The following POU2F2 variants were observed in gnomAD, a reference collection of about 807,000 sequenced individuals.
POU2F2 encodes the protein POU domain, class 2, transcription factor 2.
In POU2F2, 14 loss-of-function variants were observed where a neutral mutation model predicts 63.5. That is an observed-to-expected ratio of 0.22 (90% CI 0.15 to 0.34). The LOEUF (loss-of-function observed/expected upper bound fraction) is 0.34, where lower values mean the gene tolerates loss of function less well. Ranked by LOEUF, POU2F2 falls within the 10% of genes least tolerant of loss-of-function variation. The pLI is 1.00. For synonymous variants in POU2F2, 306 were observed against 348.6 expected (o/e 0.88, Z 1.36); for missense variants, 607 against 815.2 (o/e 0.74, Z 3.11).
chr19:42,187,672 A>G (rs1430757333), intron 1 of POU2F2, among the ~76,000 whole-genome samples: 1 of 150,176 alleles, frequency 6.7e-6, no homozygotes, highest in Non-Finnish European at 1.5e-5. Flanking sequence ...TGAGGTAGGG[A>G]GAATAGCTTG....
At chr19:42,192,822 T>C (rs2035088077) in intron 1 of POU2F2, among the ~76,000 whole-genome samples, 1 of 152,106 alleles carries the variant, frequency 6.6e-6, no homozygotes, top group Non-Finnish European at 1.5e-5. Context: ...ACACATAGTA[T>C]TGGTGACAAT....
chr19:42,176,279 A>G (rs1320767483), upstream of POU2F2, among the ~76,000 whole-genome samples: 5 of 152,104 alleles, frequency 3.3e-5, no homozygotes, highest in Non-Finnish European at 5.9e-5. Context: ...TTTTGTGTTC[A>G]GTGGCCCTGG....
chr19:42,109,631 A>G (rs1290896376), intron 5 of POU2F2, among the ~76,000 whole-genome samples: 6 of 152,120 alleles, frequency 3.9e-5, no homozygotes, highest in Admixed American at 3.9e-4. Flanking sequence ...TCAAAGACAG[A>G]GTTTTAGTTT....
At position 42,109,992 on chromosome 19, in the gene POU2F2, C is replaced by G. The variant is rs560879601; in HGVS notation, c.369+7258G>C. Among the ~76,000 whole-genome samples the G allele has an allele frequency of 2.0e-5, 3 of 152,222 alleles. No homozygotes were observed. The East Asian group carries it at 5.8e-4, about 29-fold the overall frequency. ...TAAAACTCAGCTGGATGCAGTGACT[C>G]ACGCTTATAATCCCTGCACTTTGGG... On this transcript the variant is annotated intron_variant, in intron 5 of 14. Transcript: ENST00000692977.
Position 42,153,851 on chromosome 19 carries a change from G to T in POU2F2, c.-9+6481C>A, listed in dbSNP as rs1037319316. Among the ~76,000 whole-genome samples, 1 of 152,222 alleles carries T rather than the reference G, an allele frequency of 6.6e-6. No individual in the cohort carries two copies. Among genetic ancestry groups the T allele is most frequent in the East Asian group, 1.9e-4 (1 of 5,180 alleles). On this transcript the variant is annotated intron_variant, in intron 2 of 6. Coordinates refer to the POU2F2 transcript ENST00000524801. The surrounding 1 kb of genome is among the most constrained non-coding windows in gnomAD (Gnocchi z 5.6). ...GTGGCGAGGCAGCAGGGGCTGCCACGGAGACACTGGCTAGCCGGTTTTATC... is the reference window on the plus strand; with the variant it reads ...GTGGCGAGGCAGCAGGGGCTGCCACTGAGACACTGGCTAGCCGGTTTTATC...
chr19:42,094,782 T>C (rs1228888621), intron 11 of POU2F2, among the ~76,000 whole-genome samples: 1 of 152,182 alleles, frequency 6.6e-6, no homozygotes, highest in Non-Finnish European at 1.5e-5. Context: ...TTCACACCGA[T>C]GGGGGCAGGG....
intron 1 of POU2F2, among the ~76,000 whole-genome samples, chr19:42,186,274 G>A (rs1217894744): frequency 2.6e-5 from 4 of 152,064 alleles, no homozygotes; most frequent in South Asian, 2.1e-4. Context: ...GCAGTGAGCC[G>A]AGATTGCGCC....
chr19:42,092,059 A>G lies in POU2F2; in HGVS notation c.1466+10T>C, dbSNP rs762704187. Reference sequence around the variant, plus strand: ...CTTCTCCCCACAGCTTCCCACGTGCACCCACTTACCCCGTGCTGGGGTTCA... The same window carrying G: ...CTTCTCCCCACAGCTTCCCACGTGCGCCCACTTACCCCGTGCTGGGGTTCA... On this transcript the variant is annotated intron_variant, in intron 13 of 14. Transcript: ENST00000692977. The surrounding 1 kb of genome is among the most constrained non-coding windows in gnomAD (Gnocchi z 5.0). The G allele has an allele frequency of 6.3e-7, 1 of 1,590,280 alleles. No individual in the cohort carries two copies. The highest frequency in any genetic ancestry group is 1.3e-5 in the African/African-American group (1 of 74,086).
chr19:42,139,423 C>T (rs540379542), intron 2 of POU2F2, among the ~76,000 whole-genome samples: 2 of 152,272 alleles, frequency 1.3e-5, no homozygotes, highest in African/African-American at 4.8e-5. Context: ...CCTCAGTTTC[C>T]CCAGATATAT....
rs2034435304 is a variant in POU2F2 at position 42,155,222 on chromosome 19, C to G, written c.-9+5110G>C. Among the ~76,000 whole-genome samples, 1 of 152,272 alleles carries G rather than the reference C, an allele frequency of 6.6e-6. No homozygotes were observed. The highest frequency in any genetic ancestry group is 1.5e-5 in the Non-Finnish European group (1 of 68,048). On this transcript the variant is annotated intron_variant, in intron 2 of 6. Coordinates refer to the POU2F2 transcript ENST00000524801. This position sits in a 1 kb window ranked among gnomAD's most constrained non-coding sequence, Gnocchi z 4.2. ...TTTCTCTGATGCACTCTCATGCGCTCAGCTCGCATGCACGCGCCCTCTCTT... is the reference window on the plus strand; with the variant it reads ...TTTCTCTGATGCACTCTCATGCGCTGAGCTCGCATGCACGCGCCCTCTCTT...
rs932291702 is a variant in POU2F2, at chr19:42,169,286, T to C, written c.-70+6677A>G. On this transcript the variant is annotated intron_variant, in intron 1 of 6. Coordinates refer to the POU2F2 transcript ENST00000524801. The surrounding 1 kb of genome is among the most constrained non-coding windows in gnomAD (Gnocchi z 4.3). ...AGGCATATAGGCTGGGATGCTGCCATGTTTTAGTATTTCTATTCGTACATT... is the reference window on the plus strand; with the variant it reads ...AGGCATATAGGCTGGGATGCTGCCACGTTTTAGTATTTCTATTCGTACATT... 6.6e-6 allele frequency among the ~76,000 whole-genome samples: 1 copy of C among 152,232 alleles called. No homozygotes were observed. Among genetic ancestry groups the C allele is most frequent in the African/African-American group, 2.4e-5 (1 of 41,464 alleles).
upstream of POU2F2, among the ~76,000 whole-genome samples, chr19:42,133,680 G>A (rs939013832): frequency 3.3e-5 from 5 of 151,906 alleles, no homozygotes; most frequent in African/African-American, 1.2e-4. This position sits in a 1 kb window ranked among gnomAD's most constrained non-coding sequence, Gnocchi z 5.1. Context: ...ATGTGCACAG[G>A]CCCCAACACC....
chr19:42,190,189 G>A (rs1056787779), intron 1 of POU2F2, among the ~76,000 whole-genome samples: 1 of 152,132 alleles, frequency 6.6e-6, no homozygotes, highest in Non-Finnish European at 1.5e-5. Flanking sequence ...TACACAGGTG[G>A]AGAGGAGGAC....
At chr19:42,171,715 G>A (rs569468203) in intron 1 of POU2F2, among the ~76,000 whole-genome samples, 5 of 152,288 alleles carry the variant, frequency 3.3e-5, no homozygotes, top group South Asian at 2.1e-4. Context: ...TCTGCACCCC[G>A]GGTGGGGGAG....
intron 1 of POU2F2, among the ~76,000 whole-genome samples, chr19:42,191,693 A>G (rs2035076637): frequency 6.6e-6 from 1 of 152,198 alleles, no homozygotes; most frequent in Non-Finnish European, 1.5e-5. Flanking sequence ...CAGAGGGATC[A>G]AGGGAGTAGA....
chr19:42,189,547 CCTT>C lies in POU2F2; in HGVS notation c.-70+6833_-70+6835del, dbSNP rs564996517. ...TCTGTTGTGAGTGCCATCTTAATCT[CCTT>C]CTAATAAATATCTTTCTTGCTTAAG... On this transcript the variant is annotated intron_variant, in intron 1 of 5. Coordinates refer to the POU2F2 transcript ENST00000532176. Among the ~76,000 whole-genome samples, 147 of 152,280 alleles carry C rather than the reference CCTT, an allele frequency of 9.7e-4. 1 individual carries two copies. Among genetic ancestry groups the C allele is most frequent in the Admixed American group, 9.0e-3 (138 of 15,286 alleles).
chr19:42,179,035 G>C (rs1368016807), upstream of POU2F2, among the ~76,000 whole-genome samples: 1 of 152,092 alleles, frequency 6.6e-6, no homozygotes, highest in Non-Finnish European at 1.5e-5. Context: ...ATGCGAGACA[G>C]AGACAAGAAG....
intron 5 of POU2F2, among the ~76,000 whole-genome samples, chr19:42,115,149 C>CA (rs112060109): frequency 0.013 from 1,877 of 145,598 alleles, 45 homozygotes; most frequent in African/African-American, 0.044. Flanking sequence ...GACCTCATCT[C>CA]AAAAAAAAAA....
At chr19:42,164,036 G>A (rs2034602057) in intron 1 of POU2F2, among the ~76,000 whole-genome samples, 1 of 152,128 alleles carries the variant, frequency 6.6e-6, no homozygotes, top group Non-Finnish European at 1.5e-5. Context: ...TACACATCCA[G>A]ATGGTTCCCC....
Sources: gnomAD v4.1 joint callset for allele counts (sites outside exome capture counted in the v4.1 genomes callset) on GRCh38, gnomAD v4.1.1 for gene constraint, Gnocchi (gnomAD v3.1) non-coding constraint, MANE v1.5 for transcripts, NCBI Gene and HGNC (gene_info 2026-07-23, HGNC 2026-07-21) for gene names.